Variants in RERE observed in about 807,000 individuals in gnomAD.
RERE encodes arginine-glutamic acid dipeptide repeats.
A neutral mutation model predicts 146.1 loss-of-function variants in RERE; 40 were observed. That is an observed-to-expected ratio of 0.27 (90% CI 0.21 to 0.36). The LOEUF (loss-of-function observed/expected upper bound fraction) is 0.36, where lower values mean the gene tolerates loss of function less well. Ranked by LOEUF, RERE falls within the 10% of genes least tolerant of loss-of-function variation. The pLI is 1.00. For synonymous variants in RERE, 1,003 were observed against 866.0 expected (o/e 1.16, Z -2.78); for missense variants, 1,933 against 2,138.7 (o/e 0.90, Z 1.90).
intron 11 of RERE, among the ~76,000 whole-genome samples, chr1:8,427,222 A>G (rs981202724): frequency 2.0e-5 from 3 of 152,120 alleles, no homozygotes; most frequent in African/African-American, 4.8e-5. Context: ...TGGACTGTTG[A>G]AAGCCAGAAG....
chr1:8,764,027 A>C (rs557149988), intron 1 of RERE, among the ~76,000 whole-genome samples: 1 of 152,190 alleles, frequency 6.6e-6, no homozygotes, highest in Non-Finnish European at 1.5e-5. Flanking sequence ...AGCTAACTCA[A>C]GGTCAAGAAG....
chr1:8,764,608 T>C (rs1432633670), intron 1 of RERE, among the ~76,000 whole-genome samples: 1 of 152,142 alleles, frequency 6.6e-6, no homozygotes, highest in Non-Finnish European at 1.5e-5. Context: ...GAAAATTACC[T>C]GTAAACTGAA....
At chr1:8,694,654 G>GA (rs1639281955) in intron 1 of RERE, among the ~76,000 whole-genome samples, 1 of 151,932 alleles carries the variant, frequency 6.6e-6, no homozygotes, top group Non-Finnish European at 1.5e-5. Flanking sequence ...AGCTACTCGG[G>GA]AGACTGAGGC....
intron 7 of RERE, among the ~76,000 whole-genome samples, chr1:8,533,700 C>T (rs915753484): frequency 1.7e-4 from 26 of 152,212 alleles, no homozygotes; most frequent in African/African-American, 6.3e-4. Context: ...CCAGCCTCAC[C>T]ATGAGCTACT....
chr1:8,547,813 A>T (rs949943430), intron 6 of RERE, among the ~76,000 whole-genome samples: 4 of 152,228 alleles, frequency 2.6e-5, no homozygotes, highest in Non-Finnish European at 5.9e-5. Flanking sequence ...AATATGTAAC[A>T]AACCGCATAG....
At chr1:8,525,885 T>C (rs1570391547) in intron 7 of RERE, 7 of 1,451,456 alleles carry the variant, frequency 4.8e-6, no homozygotes, top group South Asian at 1.5e-5. Context: ...TGGAGGCACA[T>C]GCAGTCTCAG....
chr1:8,355,357 C>A lies in RERE; in HGVS notation c.4667+62G>T, dbSNP rs538563612. 108 of 1,559,960 alleles carry A rather than the reference C, an allele frequency of 6.9e-5. No individual in the cohort carries two copies. The Middle Eastern group carries it at 1.2e-3, about 18-fold the overall frequency. ...GGGGAGGAGCCTGGCCCTGGGCACA[C>A]GGGGAGGTTGGGAGCCTGGGCTCAG... On this transcript the variant is annotated intron_variant, in intron 22 of 22. Coordinates refer to ENST00000400908, the MANE Select transcript of RERE (RefSeq NM_001042681.2).
At chr1:8,789,287 A>T (rs1342044376) in intron 1 of RERE, among the ~76,000 whole-genome samples, 50 of 61,850 alleles carry the variant, frequency 8.1e-4, no homozygotes, top group Non-Finnish European at 1.1e-3. Flanking sequence ...TCTACCAAAA[A>T]AAAAAAAAAA....
At chr1:8,648,428 C>T (rs139184411) in intron 2 of RERE, among the ~76,000 whole-genome samples, 2,160 of 152,214 alleles carry the variant, frequency 0.014, 48 homozygotes, top group African/African-American at 0.048. Context: ...GACAAGGTTT[C>T]GCCATGTTGC....
At chr1:8,521,193 A>AAAAG (rs55850103) in intron 7 of RERE, among the ~76,000 whole-genome samples, 1 of 134,430 alleles carries the variant, frequency 7.4e-6, no homozygotes, top group Non-Finnish European at 1.7e-5. Context: ...AAAAAAAAAA[A>AAAAG]GAACTCCAAG....
At chr1:8,635,952 C>A (rs551378855) in intron 2 of RERE, among the ~76,000 whole-genome samples, 1 of 85,132 alleles carries the variant, frequency 1.2e-5, no homozygotes, top group African/African-American at 3.7e-5. Context: ...TTTATTTTAT[C>A]TTATCTTATC....
At chr1:8,701,310 ACACACACACACACG>A (rs1353451612) in intron 1 of RERE, among the ~76,000 whole-genome samples, 1,183 of 95,908 alleles carry the variant, frequency 0.012, 11 homozygotes, top group African/African-American at 0.063. Context: ...ACACACACAC[ACACACACACACACG>A]CACACACTCC....
intron 4 of RERE, among the ~76,000 whole-genome samples, chr1:8,613,243 A>G (rs1646813077): frequency 6.6e-6 from 1 of 152,186 alleles, no homozygotes; most frequent in Non-Finnish European, 1.5e-5. Flanking sequence ...TCTACTGCCT[A>G]TTACACAAAA....
intron 1 of RERE, chr1:8,786,124 T>C (rs1002245735): frequency 1.8e-5 from 8 of 445,374 alleles, no homozygotes; most frequent in East Asian, 1.0e-4. Context: ...TCTAACTTTC[T>C]TTTTTTTCAA....
chr1:8,578,726 G>C (rs1471465202), intron 4 of RERE, among the ~76,000 whole-genome samples: 1 of 152,062 alleles, frequency 6.6e-6, no homozygotes, highest in Non-Finnish European at 1.5e-5. Context: ...TCTCACTTAG[G>C]GGGTTGTTGG....
intron 2 of RERE, among the ~76,000 whole-genome samples, chr1:8,644,480 A>C (rs1205925642): frequency 1.3e-5 from 2 of 152,164 alleles, no homozygotes; most frequent in Non-Finnish European, 2.9e-5. Flanking sequence ...CTAACAACAC[A>C]TTGCCCTTTG....
intron 11 of RERE, among the ~76,000 whole-genome samples, chr1:8,462,494 T>C (rs1644539811): frequency 6.6e-6 from 1 of 152,230 alleles, no homozygotes; most frequent in Non-Finnish European, 1.5e-5. Flanking sequence ...GAGTAGGGTC[T>C]GCACTGGCAT....
chr1:8,384,185 C>T (rs371940229), intron 12 of RERE, among the ~76,000 whole-genome samples: 1 of 152,208 alleles, frequency 6.6e-6, no homozygotes, highest in African/African-American at 2.4e-5. Context: ...GTTTATTCCA[C>T]ATCGTGGCTG....
At position 8,698,850 on chromosome 1, in the gene RERE, C is replaced by G. The variant is rs961023956; in HGVS notation, c.-144-42409G>C. ...TTTACTTTTATAATGATCTCCCATA[C>G]TTACCCATTATATTCTTATTATCTT... On this transcript the variant is annotated intron_variant, in intron 1 of 22. Transcript: ENST00000400908. Among the ~76,000 whole-genome samples, 19 of 152,092 alleles carry G rather than the reference C, an allele frequency of 1.2e-4. 1 individual carries two copies. Among genetic ancestry groups the G allele is most frequent in the Non-Finnish European group, 7.4e-5 (5 of 68,018 alleles).
Sources: gnomAD v4.1 joint callset for allele counts (sites outside exome capture counted in the v4.1 genomes callset) on GRCh38, gnomAD v4.1.1 for gene constraint, MANE v1.5 for transcripts, NCBI Gene and HGNC (gene_info 2026-07-23, HGNC 2026-07-21) for gene names.